The following ZNF44 variants were observed in gnomAD, a reference collection of about 807,000 sequenced individuals.
The protein encoded by ZNF44 is zinc finger protein 44.
ZNF44 carries 9 observed loss-of-function variants against 11.7 expected under a neutral mutation model. The ratio of observed to expected loss-of-function variants is 0.77; its 90% CI spans 0.46 to 1.35. ZNF44 has a LOEUF of 1.35. Among genes scored for constraint, ZNF44 ranks in the 40% most tolerant of loss-of-function variants. The pLI, the probability that ZNF44 is intolerant of heterozygous loss-of-function variation, is 0.00. For synonymous variants in ZNF44, 224 were observed against 242.7 expected (o/e 0.92, Z 0.72); for missense variants, 696 against 743.1 (o/e 0.94, Z 0.74).
intron 5 of ZNF44, among the ~76,000 whole-genome samples, chr19:12,252,691 A>T (rs1464460815): frequency 6.6e-6 from 1 of 152,072 alleles, no homozygotes; most frequent in African/African-American, 2.4e-5. Context: ...GGCTTGGGAT[A>T]GCTGTATACT....
At chr19:12,249,427 A>G (rs1337020801) in intron 7 of ZNF44, among the ~76,000 whole-genome samples, 1 of 146,288 alleles carries the variant, frequency 6.8e-6, no homozygotes, top group African/African-American at 2.5e-5. Context: ...AATGGTGTGA[A>G]CCCAAGAGGC....
At chr19:12,235,450 C>A (rs1916347393) in intron 1 of ZNF44, among the ~76,000 whole-genome samples, 1 of 152,126 alleles carries the variant, frequency 6.6e-6, no homozygotes, top group Non-Finnish European at 1.5e-5. Flanking sequence ...GTAAACACTT[C>A]CTAATACATG....
At chr19:12,280,715 T>C (rs1411497737) in intron 1 of ZNF44, among the ~76,000 whole-genome samples, 1 of 152,160 alleles carries the variant, frequency 6.6e-6, no homozygotes, top group Admixed American at 6.6e-5. Flanking sequence ...AAAAGTATTT[T>C]AAACAGAAAG....
chr19:12,237,149 T>G (rs530708177), intron 1 of ZNF44: 11 of 152,126 alleles, frequency 7.2e-5, no homozygotes, highest in African/African-American at 2.4e-4. Context: ...ACCCCACACA[T>G]GAGTCTGGAT....
chr19:12,266,367 C>T (rs185282808), intron 5 of ZNF44: 1 of 981,252 alleles, frequency 1.0e-6, no homozygotes, highest in African/African-American at 1.7e-5. Context: ...CTGACACACC[C>T]TCAGCACTTT....
intron 1 of ZNF44, among the ~76,000 whole-genome samples, chr19:12,289,176 G>A (rs1967896512): frequency 6.6e-6 from 1 of 151,966 alleles, no homozygotes; most frequent in African/African-American, 2.4e-5. Context: ...GCATGGGGTT[G>A]TATACCTGTA....
rs188107870 is a variant in ZNF44 at position 12,275,827 on chromosome 19, G to A, written c.130+129C>T. 77 of 1,224,974 alleles carry A rather than the reference G, an allele frequency of 6.3e-5. No homozygotes were observed. The Admixed American group carries it at 1.4e-3, about 22-fold the overall frequency. The allele number at this position is 1,224,974 out of a possible 1,614,324, so 75.9% of individuals were successfully genotyped here. A position where few individuals can be genotyped will look rare whatever the true frequency, so the allele number is the denominator to read the frequency against. ...GAGGACATACAACAGGTTGGGGCCT[G>A]GCACTTCACCCTGTGTTGTTCAGGA... On this transcript the variant is annotated intron_variant, in intron 2 of 3. Coordinates refer to ENST00000355684, the MANE Select transcript of ZNF44 (RefSeq NM_016264.4).
At chr19:12,251,406 A>G (rs1916990181) in intron 5 of ZNF44, among the ~76,000 whole-genome samples, 1 of 151,910 alleles carries the variant, frequency 6.6e-6, no homozygotes, top group Non-Finnish European at 1.5e-5. Context: ...AGGCACGAGA[A>G]TAGCTTGAGC....
downstream of ZNF44, chr19:12,244,659 C>A (rs900622582): frequency 6.6e-6 from 1 of 152,592 alleles, no homozygotes; most frequent in Non-Finnish European, 1.5e-5. Context: ...ATTCTGTAAC[C>A]ATGTCTCCGA....
downstream of ZNF44, among the ~76,000 whole-genome samples, chr19:12,245,757 G>A (rs1052747186): frequency 6.6e-6 from 1 of 152,106 alleles, no homozygotes; most frequent in Non-Finnish European, 1.5e-5. Context: ...ATGTTGATGT[G>A]GGTAATGTTG....
rs1599524463 is a variant in ZNF44, at chr19:12,272,196, G to C, written c.*211C>G. 2.9e-6 allele frequency: 2 copies of C among 696,890 alleles called. No individual in the cohort carries two copies. Among genetic ancestry groups the C allele is most frequent in the East Asian group, 3.6e-5 (1 of 28,074 alleles). 43.2% of individuals were successfully genotyped at this position (696,890 alleles called of 1,614,324 possible). ...TTTTTCCGTATTTTTAGTAGAGACA[G>C]GGTTTCCCATGTTAGCCAGGCTGGT... On this transcript the variant is annotated 3_prime_UTR_variant, in exon 4 of 4. Transcript: ENST00000355684.
chr19:12,248,476 T>TA lies in ZNF44; in HGVS notation c.*388dup, dbSNP rs1254872126. The stretch of plus-strand genomic sequence containing the variant: ...GGCTTCTCTCCATATTCCTGACACT[T>TA]ATACAGTTTGTGTCTGGTGTAAGAT... On this transcript the variant is annotated 3_prime_UTR_variant and NMD_transcript_variant, in exon 8 of 8. Coordinates refer to the ZNF44 transcript ENST00000393337. 5 of 1,290,842 alleles carry TA rather than the reference T, an allele frequency of 3.9e-6. No individual in the cohort carries two copies. The African/African-American group carries it at 7.6e-5, about 20-fold the overall frequency. 80.0% of individuals were successfully genotyped at this position (1,290,842 alleles called of 1,614,324 possible).
chr19:12,253,961 A>G (rs1276629928), intron 5 of ZNF44, among the ~76,000 whole-genome samples: 1 of 152,200 alleles, frequency 6.6e-6, no homozygotes, highest in Non-Finnish European at 1.5e-5. Context: ...CCTGGGTGAC[A>G]CAGCGAGACT....
At chr19:12,274,429 C>A (rs1012534778) in intron 3 of ZNF44, among the ~76,000 whole-genome samples, 1 of 151,948 alleles carries the variant, frequency 6.6e-6, no homozygotes, top group African/African-American at 2.4e-5. Flanking sequence ...TGCACCACCA[C>A]ACCCAGCTAA....
Position 12,272,445 on chromosome 19 carries a change from T to C in ZNF44, c.1810A>G (p.Asn604Asp). 6.3e-7 allele frequency: 1 copy of C among 1,580,152 alleles called. No homozygotes were observed. The highest frequency in any genetic ancestry group is 8.6e-7 in the Non-Finnish European group (1 of 1,167,142). ...GKAFSSLSSF[N>D]RHKRTHWKDI... is the part of the protein sequence containing the mutation. ...TTCCAGTGTGTCCTTTTATGTCTAT[T>C]AAAGGAACTGAGAGAACTGAAGGCT... Residue 604 changes from asparagine (N) to aspartate (D), a missense_variant, in exon 4 of 4, where the codon AAT (asparagine) becomes GAT (aspartate). Asn to Asp is a conservative substitution (Grantham distance 23). Coordinates refer to ENST00000355684, the MANE Select transcript of ZNF44 (RefSeq NM_016264.4).
At chr19:12,231,320 C>G (rs1568418520) in intron 2 of ZNF44, among the ~76,000 whole-genome samples, 1 of 152,182 alleles carries the variant, frequency 6.6e-6, no homozygotes, top group Admixed American at 6.5e-5. Flanking sequence ...TGGATCCATG[C>G]CAGGACACAG....
At chr19:12,294,425 G>A (rs1330550907) in intron 1 of ZNF44, among the ~76,000 whole-genome samples, 1 of 152,252 alleles carries the variant, frequency 6.6e-6, no homozygotes, top group Non-Finnish European at 1.5e-5. Flanking sequence ...GGAGAAGCGG[G>A]GCTGAGGGCG....
chr19:12,273,372 A>C lies in ZNF44; in HGVS notation c.883T>G (p.Ser295Ala), dbSNP rs770568540. 5 of 1,613,540 alleles carry C rather than the reference A, an allele frequency of 3.1e-6. No homozygotes were observed. Among genetic ancestry groups the C allele is most frequent in the African/African-American group, 1.3e-5 (1 of 74,806 alleles). ...TGAATTCTTTCATGTACTCGAAGGG[A>C]ACCGGAAACACTGAAGGCTTTCCCA... The part of the protein sequence containing the change: ...QCGKAFSVSG[S>A]LRVHERIHTG... The change falls in exon 4 of 4, where the codon TCC (serine) becomes GCC (alanine). Residue 295 changes from serine (S) to alanine (A), a missense_variant. By Grantham distance (99) the Ser-to-Ala change is moderately conservative. Transcript: ENST00000355684.
At chr19:12,281,269 G>A (rs1967466544) in intron 1 of ZNF44, among the ~76,000 whole-genome samples, 1 of 152,092 alleles carries the variant, frequency 6.6e-6, no homozygotes, top group Admixed American at 6.5e-5. Context: ...GTAAAAATTA[G>A]TAACAGAAGC....
Sources: allele counts gnomAD v4.1 joint callset (sites outside exome capture counted in the v4.1 genomes callset), GRCh38; gene constraint gnomAD v4.1.1; transcripts MANE v1.5; gene names NCBI Gene and HGNC (gene_info 2026-07-23, HGNC 2026-07-21).